Variants in ZNF407 observed in about 807,000 individuals in gnomAD.
ZNF407 encodes the protein zinc finger protein 407.
Under a neutral mutation model 131.2 loss-of-function variants are expected in ZNF407, and 17 were observed. That is an observed-to-expected ratio of 0.13 (90% CI 0.09 to 0.19). The LOEUF is 0.19. Ranked by LOEUF, ZNF407 falls within the 10% of genes least tolerant of loss-of-function variation. The pLI, the probability that ZNF407 is intolerant of heterozygous loss-of-function variation, is 1.00. For synonymous variants in ZNF407, 1,156 were observed against 1,062.0 expected (o/e 1.09, Z -1.72); for missense variants, 2,681 against 2,830.6 (o/e 0.95, Z 1.20).
At chr18:74,915,059 A>C (rs907589250) in intron 7 of ZNF407, among the ~76,000 whole-genome samples, 12 of 152,274 alleles carry the variant, frequency 7.9e-5, no homozygotes, top group Admixed American at 5.2e-4. Context: ...TAAAAGAAAA[A>C]TTTATTAACT....
At chr18:74,812,033 TA>T (rs891507011) in intron 4 of ZNF407, among the ~76,000 whole-genome samples, 13 of 151,040 alleles carry the variant, frequency 8.6e-5, no homozygotes, top group Non-Finnish European at 1.6e-4. Flanking sequence ...AGTATAAAAA[TA>T]AAAAAAAATA....
At chr18:74,891,238 A>C (rs985469139) in intron 7 of ZNF407, among the ~76,000 whole-genome samples, 1 of 152,150 alleles carries the variant, frequency 6.6e-6, no homozygotes. Flanking sequence ...CAGGCAGCTG[A>C]ATGACATCTG....
chr18:74,634,474 C>G lies in ZNF407; in HGVS notation c.3455C>G (p.Thr1152Ser). 6.2e-7 allele frequency: 1 copy of G among 1,613,744 alleles called. No individual in the cohort carries two copies. Among genetic ancestry groups the G allele is most frequent in the Non-Finnish European group, 8.5e-7 (1 of 1,179,894 alleles). Residue 1152 changes from threonine to serine, a missense_variant, in exon 2 of 9, where the codon ACT becomes AGT. Physicochemically the swap from Thr to Ser is moderately conservative, Grantham distance 58. Coordinates refer to ENST00000299687, the MANE Select transcript of ZNF407 (RefSeq NM_017757.3). ...LCAADSVEVE[T>S]EEESNFNEDH... ...GCTGCTGACTCTGTAGAAGTTGAGA[C>G]TGAAGAAGAATCTAATTTCAATGAA...
intron 8 of ZNF407, chr18:75,062,826 GTT>G (rs202212715): frequency 4.4e-6 from 1 of 226,880 alleles, no homozygotes. Context: ...CATGATGGTG[GTT>G]GGGGGGAGGT....
Position 74,805,835 on chromosome 18 carries a change from G to A in ZNF407, c.4877+24333G>A, listed in dbSNP as rs1042719282. ...TTGTTCATTGTTTTAAGACAGATTT[G>A]AGCATTGTGCAAGCAAATGAAGATG... On this transcript the variant is annotated intron_variant, in intron 4 of 8. Transcript: ENST00000299687. Among the ~76,000 whole-genome samples the A allele has an allele frequency of 3.4e-4, 52 of 152,284 alleles. 1 individual carries two copies. Among genetic ancestry groups the A allele is most frequent in the Non-Finnish European group, 2.4e-4 (16 of 67,998 alleles).
intron 3 of ZNF407, among the ~76,000 whole-genome samples, chr18:74,767,685 G>C (rs962623170): frequency 8.0e-6 from 1 of 124,232 alleles, no homozygotes; most frequent in African/African-American, 3.2e-5. Context: ...ATGGAGTCTC[G>C]CTCTGTTGCC....
intron 2 of ZNF407, among the ~76,000 whole-genome samples, chr18:74,640,170 A>G (rs1013561011): frequency 6.6e-6 from 1 of 152,124 alleles, no homozygotes; most frequent in Non-Finnish European, 1.5e-5. Flanking sequence ...GTTATTTCTC[A>G]TTAATGTGGA....
chr18:74,656,123 G>T (rs1173257896), intron 3 of ZNF407, among the ~76,000 whole-genome samples: 1 of 152,008 alleles, frequency 6.6e-6, no homozygotes, highest in African/African-American at 2.4e-5. Context: ...ATTAGGAAAT[G>T]GGCCACAATT....
chr18:75,048,063 G>A lies in ZNF407; in HGVS notation c.5429-15087G>A, dbSNP rs1973456159. The stretch of plus-strand genomic sequence containing the variant: ...TTGGTTTTTATATAGAATATGGCAC[G>A]TGTTGGTATTCATAACTCGTTAACC... On this transcript the variant is annotated intron_variant, in intron 8 of 8. Coordinates refer to ENST00000299687, the MANE Select transcript of ZNF407 (RefSeq NM_017757.3). The surrounding 1 kb of genome is among the most constrained non-coding windows in gnomAD (Gnocchi z 4.1). 1.3e-5 allele frequency among the ~76,000 whole-genome samples: 2 copies of A among 152,170 alleles called. No individual in the cohort carries two copies. Among genetic ancestry groups the A allele is most frequent in the Non-Finnish European group, 2.9e-5 (2 of 68,046 alleles).
intron 3 of ZNF407, among the ~76,000 whole-genome samples, chr18:74,728,845 T>C (rs17819978): frequency 0.083 from 12,615 of 152,244 alleles, 745 homozygotes; most frequent in Non-Finnish European, 0.13. Context: ...AGGCTTGAAG[T>C]TGAAAGAGAA....
intron 8 of ZNF407, among the ~76,000 whole-genome samples, chr18:74,943,941 T>C (rs1972127870): frequency 6.6e-6 from 1 of 152,228 alleles, no homozygotes. Context: ...TGCTAGATAT[T>C]ACCTGTATCT....
chr18:74,701,789 C>T (rs1967502282), intron 3 of ZNF407, among the ~76,000 whole-genome samples: 1 of 152,098 alleles, frequency 6.6e-6, no homozygotes, highest in African/African-American at 2.4e-5. Flanking sequence ...TTTAGGCTCG[C>T]CCTGTCACCC....
chr18:74,602,671 A>G (rs1272257276), intron 1 of ZNF407, among the ~76,000 whole-genome samples: 1 of 152,234 alleles, frequency 6.6e-6, no homozygotes, highest in Non-Finnish European at 1.5e-5. Flanking sequence ...AAGGCGACAC[A>G]GCTATTAAAT....
intron 8 of ZNF407, among the ~76,000 whole-genome samples, chr18:74,980,498 T>C (rs2122121519): frequency 6.6e-6 from 1 of 152,020 alleles, no homozygotes; most frequent in South Asian, 2.1e-4. Flanking sequence ...AGAGACAGGG[T>C]TTCACCATTT....
At chr18:74,958,389 T>G (rs1217542357) in intron 8 of ZNF407, among the ~76,000 whole-genome samples, 1 of 152,072 alleles carries the variant, frequency 6.6e-6, no homozygotes, top group Non-Finnish European at 1.5e-5. Context: ...GCAGGGAGAT[T>G]ATTTTGAGTT....
chr18:75,013,080 T>G (rs1376927335), intron 8 of ZNF407, among the ~76,000 whole-genome samples: 1 of 152,130 alleles, frequency 6.6e-6, no homozygotes, highest in East Asian at 1.9e-4. Context: ...ACTTTTTTCC[T>G]TAATGTTTGC....
chr18:74,841,106 C>T (rs951364266), intron 4 of ZNF407, among the ~76,000 whole-genome samples: 7 of 152,236 alleles, frequency 4.6e-5, no homozygotes, highest in African/African-American at 1.2e-4. Context: ...GGCGTGCCCC[C>T]TCTTCAGTGC....
At chr18:74,940,804 A>G (rs933532982) in intron 8 of ZNF407, among the ~76,000 whole-genome samples, 7 of 152,106 alleles carry the variant, frequency 4.6e-5, no homozygotes, top group African/African-American at 1.7e-4. Flanking sequence ...TGGATCCTTT[A>G]TTCACCTCAG....
At chr18:74,779,797 C>T (rs512417) in intron 3 of ZNF407, among the ~76,000 whole-genome samples, 2,344 of 152,088 alleles carry the variant, frequency 0.015, 69 homozygotes, top group African/African-American at 0.052. Flanking sequence ...ATTCTAAGTT[C>T]CCATCTCTTA....
Sources: gnomAD v4.1 joint callset for allele counts (sites outside exome capture counted in the v4.1 genomes callset) on GRCh38, gnomAD v4.1.1 for gene constraint, Gnocchi (gnomAD v3.1) non-coding constraint, MANE v1.5 for transcripts, NCBI Gene and HGNC (gene_info 2026-07-23, HGNC 2026-07-21) for gene names.